UNC5D: variants seen among roughly 807,000 people sequenced by gnomAD.
UNC5D encodes netrin receptor UNC5D.
In UNC5D, 39 loss-of-function variants were observed where a neutral mutation model predicts 105.4. The ratio of observed to expected loss-of-function variants is 0.37; its 90% CI spans 0.29 to 0.48. The LOEUF is 0.48. Among genes scored for constraint, UNC5D ranks in the 20% least tolerant of loss-of-function variants. The pLI, the probability that UNC5D is intolerant of heterozygous loss-of-function variation, is 0.98. For synonymous variants in UNC5D, 452 were observed against 450.4 expected (o/e 1.00, Z -0.04); for missense variants, 991 against 1,202.4 (o/e 0.82, Z 2.60).
chr8:35,245,719 TA>T (rs1803048275), intron 1 of UNC5D, among the ~76,000 whole-genome samples: 1 of 152,176 alleles, frequency 6.6e-6, no homozygotes, highest in Admixed American at 6.6e-5. Flanking sequence ...AGCTCTAACC[TA>T]CCACATTCTG....
chr8:35,653,549 A>G (rs539102238), intron 4 of UNC5D, among the ~76,000 whole-genome samples: 45 of 152,198 alleles, frequency 3.0e-4, no homozygotes, highest in Non-Finnish European at 5.3e-4. Context: ...CTGTTTTCAC[A>G]TGTCTGCTAG....
At chr8:35,462,639 A>G (rs561752750) in intron 1 of UNC5D, among the ~76,000 whole-genome samples, 54 of 152,290 alleles carry the variant, frequency 3.5e-4, no homozygotes, top group Non-Finnish European at 6.6e-4. Flanking sequence ...TTATTTCTGT[A>G]CTTTATTCTA....
At chr8:35,654,282 G>A (rs1303429471) in intron 4 of UNC5D, among the ~76,000 whole-genome samples, 1 of 152,194 alleles carries the variant, frequency 6.6e-6, no homozygotes, top group Non-Finnish European at 1.5e-5. Flanking sequence ...GACTTTGGGT[G>A]AAGAACTCTT....
At chr8:35,594,523 C>T (rs1040128258) in intron 3 of UNC5D, among the ~76,000 whole-genome samples, 1 of 152,128 alleles carries the variant, frequency 6.6e-6, no homozygotes, top group Non-Finnish European at 1.5e-5. Context: ...AAATCTTTTA[C>T]ATTGAGGAAG....
At chr8:35,492,850 C>A (rs964793609) in intron 1 of UNC5D, among the ~76,000 whole-genome samples, 5 of 152,122 alleles carry the variant, frequency 3.3e-5, no homozygotes, top group African/African-American at 1.2e-4. Context: ...CAGAACTGCA[C>A]TGCAAACAAA....
intron 11 of UNC5D, 124 bp downstream of exon 11, chr8:35,731,220 G>A (rs892979708): frequency 2.5e-5 from 21 of 833,796 alleles, no homozygotes; most frequent in African/African-American, 1.2e-4. Flanking sequence ...CCAACATGGC[G>A]AAAGCCTGTC....
chr8:35,657,074 GTGTGTGTATATA>G (rs1333102220), intron 4 of UNC5D, among the ~76,000 whole-genome samples: 5 of 96,580 alleles, frequency 5.2e-5, no homozygotes, highest in African/African-American at 1.9e-4. Context: ...GTGTGTGTGT[GTGTGTGTATATA>G]TATATATATA....
At chr8:35,688,526 C>T (rs919929726) in intron 7 of UNC5D, among the ~76,000 whole-genome samples, 5 of 152,156 alleles carry the variant, frequency 3.3e-5, no homozygotes, top group Non-Finnish European at 7.4e-5. Context: ...CACTGATTAC[C>T]CTGCATGCAT....
chr8:35,538,396 T>A lies in UNC5D; in HGVS notation c.104-10896T>A, dbSNP rs201696242. Among the ~76,000 whole-genome samples the A allele has an allele frequency of 6.0e-3, 69 of 11,438 alleles. 1 individual carries two copies. Among genetic ancestry groups the A allele is most frequent in the East Asian group, 0.04 (8 of 198 alleles). The allele number at this position is 11,438 out of a possible 152,430, so 7.5% of individuals were successfully genotyped here. On this transcript the variant is annotated intron_variant, in intron 1 of 16. Coordinates refer to ENST00000404895, the MANE Select transcript of UNC5D (RefSeq NM_080872.4). Reference sequence around the variant, plus strand: ...CAGTCGTGATTTAAAAAAAAATAATTATATATATATATATATATATATATA... The same window carrying A: ...CAGTCGTGATTTAAAAAAAAATAATAATATATATATATATATATATATATA...
chr8:35,440,184 G>T (rs540873979), intron 1 of UNC5D, among the ~76,000 whole-genome samples: 1 of 152,008 alleles, frequency 6.6e-6, no homozygotes, highest in Admixed American at 6.6e-5. Flanking sequence ...GTGGAGAAAT[G>T]TTTCTTCATA....
chr8:35,685,520 G>A (rs1678359482), intron 6 of UNC5D, among the ~76,000 whole-genome samples: 1 of 152,074 alleles, frequency 6.6e-6, no homozygotes, highest in African/African-American at 2.4e-5. Flanking sequence ...TAATAAAATT[G>A]CAAATTTAGT....
chr8:35,248,662 A>AT (rs1803386060), intron 1 of UNC5D, among the ~76,000 whole-genome samples: 1 of 102,236 alleles, frequency 9.8e-6, no homozygotes, highest in African/African-American at 4.1e-5. Context: ...TTATAAATAT[A>AT]AATATATGTT....
intron 1 of UNC5D, among the ~76,000 whole-genome samples, chr8:35,462,569 G>A (rs2129681330): frequency 6.6e-6 from 1 of 152,176 alleles, no homozygotes; most frequent in Non-Finnish European, 1.5e-5. Flanking sequence ...TACAATACCA[G>A]TGATCATCAA....
intron 1 of UNC5D, among the ~76,000 whole-genome samples, chr8:35,536,953 G>A (rs1814891046): frequency 6.6e-6 from 1 of 152,142 alleles, no homozygotes. Context: ...CTGAGATCGT[G>A]CCACTGCACT....
chr8:35,679,116 G>T (rs1368292944), intron 4 of UNC5D, among the ~76,000 whole-genome samples: 1 of 152,078 alleles, frequency 6.6e-6, no homozygotes. Flanking sequence ...ACCTGGTGTG[G>T]TGACATACCT....
intron 1 of UNC5D, among the ~76,000 whole-genome samples, chr8:35,506,031 G>T (rs183585046): frequency 7.4e-4 from 113 of 152,202 alleles, no homozygotes; most frequent in Non-Finnish European, 1.3e-3. Context: ...TATTTTTCTT[G>T]CTTTTAAGCT....
At chr8:35,371,599 A>G (rs1238331000) in intron 1 of UNC5D, among the ~76,000 whole-genome samples, 2 of 152,186 alleles carry the variant, frequency 1.3e-5, no homozygotes, top group Non-Finnish European at 2.9e-5. Flanking sequence ...TGATTTGGTA[A>G]GAAGAACTTG....
chr8:35,489,261 GC>G (rs1811039653), intron 1 of UNC5D, among the ~76,000 whole-genome samples: 1 of 152,040 alleles, frequency 6.6e-6, no homozygotes, highest in African/African-American at 2.4e-5. Context: ...ACCTGCCTCA[GC>G]CTCCCAAAGT....
intron 1 of UNC5D, among the ~76,000 whole-genome samples, chr8:35,386,642 C>A (rs1025614272): frequency 6.6e-6 from 1 of 152,192 alleles, no homozygotes; most frequent in East Asian, 1.9e-4. Context: ...TGGGTTCCCC[C>A]ACTTATGTTG....
Sources: gnomAD v4.1 joint callset for allele counts (sites outside exome capture counted in the v4.1 genomes callset) on GRCh38, gnomAD v4.1.1 for gene constraint, MANE v1.5 for transcripts, NCBI Gene and HGNC (gene_info 2026-07-23, HGNC 2026-07-21) for gene names.